EYA4: variants seen among roughly 807,000 people sequenced by gnomAD.
The protein encoded by EYA4 is protein phosphatase EYA4.
A neutral mutation model predicts 87.9 loss-of-function variants in EYA4; 31 were observed. That is an observed-to-expected ratio of 0.35 (90% CI 0.27 to 0.48). The LOEUF is 0.48. EYA4 is among the 20% of genes least tolerant of loss of function. The pLI is 0.99. For synonymous variants in EYA4, 263 were observed against 270.6 expected (o/e 0.97, Z 0.28); for missense variants, 678 against 761.4 (o/e 0.89, Z 1.29).
At chr6:133,279,802 G>A (rs938236959) in intron 2 of EYA4, among the ~76,000 whole-genome samples, 2 of 152,058 alleles carry the variant, frequency 1.3e-5, no homozygotes, top group Admixed American at 1.3e-4. Flanking sequence ...CTCTGTATCA[G>A]ATTTTTAACT....
At chr6:133,243,686 T>C (rs964161231) in intron 1 of EYA4, among the ~76,000 whole-genome samples, 4 of 151,660 alleles carry the variant, frequency 2.6e-5, no homozygotes, top group South Asian at 2.1e-4. Flanking sequence ...TAAAATATTA[T>C]TGGCAAGCTT....
intron 17 of EYA4, among the ~76,000 whole-genome samples, chr6:133,518,871 C>T (rs1562512923): frequency 6.6e-6 from 1 of 151,956 alleles, no homozygotes; most frequent in Non-Finnish European, 1.5e-5. Context: ...TACATGGAAA[C>T]TGAACAACCT....
chr6:133,509,727 C>T (rs896377263), intron 14 of EYA4, among the ~76,000 whole-genome samples: 1 of 152,184 alleles, frequency 6.6e-6, no homozygotes, highest in Non-Finnish European at 1.5e-5. Context: ...TCAGTGACCA[C>T]TTTTTGGTCA....
rs1795063843 is a variant in EYA4 at position 133,468,724 on chromosome 6, C to A, written c.963C>A (p.Asn321Lys). The A allele has an allele frequency of 6.2e-7, 1 of 1,612,844 alleles. No homozygotes were observed. Among genetic ancestry groups the A allele is most frequent in the Admixed American group, 1.7e-5 (1 of 59,870 alleles). The change falls in exon 11 of 20, where the codon AAC becomes AAA. Residue 321 changes from asparagine to lysine, a missense_variant. Physicochemically the swap from Asn to Lys is moderately conservative, Grantham distance 94 (BLOSUM62 0). Coordinates refer to ENST00000355286, the MANE Select transcript of EYA4 (RefSeq NM_004100.5). Reference protein sequence around the residue: ...QLQESLPGLTNQPGEFDTMQS... With the variant: ...QLQESLPGLTKQPGEFDTMQS... ...AGGAATCTCTCCCAGGACTGACTAA[C>A]CAACCAGGTACAGATCTTCACCCAG...
At chr6:133,468,472 C>G in intron 10 of EYA4, 94 bp from the exon 11 acceptor site, 2 of 1,022,474 alleles carry the variant, frequency 2.0e-6, no homozygotes, top group Non-Finnish European at 1.5e-6. Flanking sequence ...GGGCTGAGTA[C>G]TAATCTTTCA....
At chr6:133,273,747 A>G (rs898742804) in intron 1 of EYA4, among the ~76,000 whole-genome samples, 11 of 152,180 alleles carry the variant, frequency 7.2e-5, no homozygotes, top group Non-Finnish European at 1.3e-4. Context: ...GAATTTGAAC[A>G]CAGTTTTATG....
chr6:133,492,422 T>C (rs984829536), intron 13 of EYA4, among the ~76,000 whole-genome samples: 1 of 151,262 alleles, frequency 6.6e-6, no homozygotes, highest in Admixed American at 6.6e-5. Flanking sequence ...ATAAAAAAAA[T>C]CTTCAAAAAA....
chr6:133,516,205 T>C (rs1213762101), intron 17 of EYA4, among the ~76,000 whole-genome samples: 1 of 151,918 alleles, frequency 6.6e-6, no homozygotes, highest in East Asian at 1.9e-4. Flanking sequence ...TGGACACATA[T>C]AGGGAAACAA....
chr6:133,487,018 C>A (rs1420147972), intron 13 of EYA4, among the ~76,000 whole-genome samples: 1 of 152,166 alleles, frequency 6.6e-6, no homozygotes, highest in Non-Finnish European at 1.5e-5. Context: ...CTTGCTGACA[C>A]CACCACCCCA....
At chr6:133,260,632 TC>T (rs1775723637) in intron 1 of EYA4, among the ~76,000 whole-genome samples, 1 of 152,254 alleles carries the variant, frequency 6.6e-6, no homozygotes, top group African/African-American at 2.4e-5. Context: ...ATTTCAAACC[TC>T]TAGGTCAGTC....
chr6:133,303,364 G>A (rs1779559113), intron 2 of EYA4, among the ~76,000 whole-genome samples: 1 of 152,080 alleles, frequency 6.6e-6, no homozygotes, highest in Admixed American at 6.6e-5. Flanking sequence ...TTTGTTCTTT[G>A]TAATTATTTC....
At chr6:133,349,954 A>C (rs1251040484) in intron 2 of EYA4, among the ~76,000 whole-genome samples, 1 of 152,146 alleles carries the variant, frequency 6.6e-6, no homozygotes, top group Non-Finnish European at 1.5e-5. Flanking sequence ...ATTTTAGCAA[A>C]CTTTACCTGG....
intron 2 of EYA4, among the ~76,000 whole-genome samples, chr6:133,284,978 G>A (rs941186973): frequency 1.3e-4 from 19 of 146,830 alleles, no homozygotes; most frequent in Non-Finnish European, 1.8e-4. Context: ...AGGGACAGCT[G>A]TGGTTTTTTG....
At chr6:133,258,336 G>T (rs570569912) in intron 1 of EYA4, among the ~76,000 whole-genome samples, 2 of 152,230 alleles carry the variant, frequency 1.3e-5, no homozygotes, top group East Asian at 3.9e-4. Context: ...TTCTCATTCT[G>T]CCATCTTCCT....
At chr6:133,285,790 G>A (rs1330498702) in intron 2 of EYA4, among the ~76,000 whole-genome samples, 1 of 152,184 alleles carries the variant, frequency 6.6e-6, no homozygotes, top group Admixed American at 6.5e-5. Context: ...TAATGTATGG[G>A]TTATGGATTA....
intron 3 of EYA4, among the ~76,000 whole-genome samples, chr6:133,439,104 A>G (rs1282379733): frequency 2.0e-5 from 3 of 151,030 alleles, no homozygotes; most frequent in Non-Finnish European, 4.4e-5. Context: ...GTCTAGTAGA[A>G]GATAATGACT....
intron 1 of EYA4, chr6:133,247,544 A>G (rs958641891): frequency 2.0e-5 from 3 of 152,348 alleles, no homozygotes; most frequent in South Asian, 4.1e-4. Flanking sequence ...TATTTTGGAA[A>G]TACATTCAAT....
intron 3 of EYA4, among the ~76,000 whole-genome samples, chr6:133,442,272 T>G (rs1049294999): frequency 3.9e-5 from 6 of 152,156 alleles, no homozygotes; most frequent in Admixed American, 2.6e-4. Context: ...GCATAGTATT[T>G]CTTTTGTGTT....
chr6:133,270,657 C>A (rs1254357168), intron 1 of EYA4, among the ~76,000 whole-genome samples: 1 of 152,050 alleles, frequency 6.6e-6, no homozygotes. Flanking sequence ...TGTGGAGTGA[C>A]CCAAACCTTC....
Sources: allele counts gnomAD v4.1 joint callset (sites outside exome capture counted in the v4.1 genomes callset), GRCh38; gene constraint gnomAD v4.1.1; transcripts MANE v1.5; gene names NCBI Gene and HGNC (gene_info 2026-07-23, HGNC 2026-07-21).